PCDH9: variants seen among roughly 807,000 people sequenced by gnomAD.
The protein encoded by PCDH9 is protocadherin-9.
A neutral mutation model predicts 70.6 loss-of-function variants in PCDH9; 24 were observed. That is an observed-to-expected ratio of 0.34 (90% CI 0.25 to 0.48). The LOEUF is 0.48. PCDH9 is among the 20% of genes least tolerant of loss of function. The pLI is 0.99. For missense variants in PCDH9, 1,281 were observed against 1,503.6 expected, an observed-to-expected ratio of 0.85 and a Z score of 2.45; for synonymous variants, 562 against 558.5, an observed-to-expected ratio of 1.01 and a Z score of -0.09.
At chr13:66,878,809 T>TA (rs1450557025) in intron 3 of PCDH9, among the ~76,000 whole-genome samples, 1 of 151,970 alleles carries the variant, frequency 6.6e-6, no homozygotes, top group Non-Finnish European at 1.5e-5. Flanking sequence ...GTGGGCTTAA[T>TA]AAAAAAGCAG....
chr13:66,455,119 TA>T (rs1428273927), intron 4 of PCDH9, among the ~76,000 whole-genome samples: 1 of 152,096 alleles, frequency 6.6e-6, no homozygotes, highest in Admixed American at 6.6e-5. Flanking sequence ...AACCATCACC[TA>T]GCCAATTCAA....
chr13:67,168,475 C>A (rs564349456), intron 2 of PCDH9, among the ~76,000 whole-genome samples: 1 of 152,120 alleles, frequency 6.6e-6, no homozygotes, highest in Non-Finnish European at 1.5e-5. Flanking sequence ...CACTTGTCAT[C>A]CCAACATTCT....
At chr13:66,697,507 A>G (rs2078579963) in intron 3 of PCDH9, among the ~76,000 whole-genome samples, 1 of 152,244 alleles carries the variant, frequency 6.6e-6, no homozygotes, top group Non-Finnish European at 1.5e-5. Context: ...TAATTGCACC[A>G]AGACCATTTT....
chr13:66,419,632 T>C (rs1242691245), intron 4 of PCDH9, among the ~76,000 whole-genome samples: 1 of 152,104 alleles, frequency 6.6e-6, no homozygotes, highest in Admixed American at 6.5e-5. Context: ...CAAGATGCTA[T>C]GCTTTTCCCA....
intron 3 of PCDH9, among the ~76,000 whole-genome samples, chr13:66,817,080 T>G (rs1002013855): frequency 6.6e-6 from 1 of 151,974 alleles, no homozygotes; most frequent in African/African-American, 2.4e-5. Flanking sequence ...TTGCATAGCA[T>G]GTACATTGTA....
At chr13:66,863,308 T>C (rs1375071872) in intron 3 of PCDH9, among the ~76,000 whole-genome samples, 1 of 152,170 alleles carries the variant, frequency 6.6e-6, no homozygotes, top group Non-Finnish European at 1.5e-5. Flanking sequence ...CAGAATTTGA[T>C]TGTGAGGATT....
At chr13:67,138,114 A>G (rs1207862365) in intron 2 of PCDH9, among the ~76,000 whole-genome samples, 1 of 152,208 alleles carries the variant, frequency 6.6e-6, no homozygotes, top group Non-Finnish European at 1.5e-5. Context: ...ACTTCTATAT[A>G]TTATGAAGTG....
intron 3 of PCDH9, among the ~76,000 whole-genome samples, chr13:66,646,577 T>C (rs2077773860): frequency 1.3e-5 from 2 of 152,170 alleles, no homozygotes; most frequent in South Asian, 4.1e-4. Context: ...TTGACTTCAT[T>C]TTTCTTAACA....
At chr13:66,617,605 A>G (rs2077372292) in intron 4 of PCDH9, among the ~76,000 whole-genome samples, 1 of 152,182 alleles carries the variant, frequency 6.6e-6, no homozygotes, top group Non-Finnish European at 1.5e-5. Context: ...CATGCCGGCA[A>G]AACAGTAAAG....
chr13:66,428,894 G>T (rs900922328), intron 4 of PCDH9, among the ~76,000 whole-genome samples: 1 of 151,616 alleles, frequency 6.6e-6, no homozygotes, highest in Non-Finnish European at 1.5e-5. Context: ...AGTTAAATTG[G>T]CTTAAAAATA....
chr13:66,663,097 T>G (rs1039013174), intron 3 of PCDH9, among the ~76,000 whole-genome samples: 2 of 152,106 alleles, frequency 1.3e-5, no homozygotes, highest in African/African-American at 4.8e-5. Flanking sequence ...TTAAATGATG[T>G]GAAGGGAGAT....
intron 2 of PCDH9, among the ~76,000 whole-genome samples, chr13:67,037,216 C>G (rs1480816693): frequency 6.6e-6 from 1 of 152,138 alleles, no homozygotes; most frequent in East Asian, 1.9e-4. Flanking sequence ...TTGTTTAACT[C>G]CTTTTCAATT....
intron 2 of PCDH9, among the ~76,000 whole-genome samples, chr13:67,106,842 G>A (rs2086555309): frequency 6.6e-6 from 1 of 152,164 alleles, no homozygotes; most frequent in Non-Finnish European, 1.5e-5. Context: ...CAAAGTTGAG[G>A]CTGAGCCCAG....
intron 3 of PCDH9, among the ~76,000 whole-genome samples, chr13:66,781,935 G>T (rs559751359): frequency 6.6e-6 from 1 of 152,078 alleles, no homozygotes; most frequent in East Asian, 1.9e-4. Context: ...AACACCTGTG[G>T]TTCTTTATTA....
intron 3 of PCDH9, among the ~76,000 whole-genome samples, chr13:66,777,564 A>G (rs2079918173): frequency 6.6e-6 from 1 of 152,162 alleles, no homozygotes; most frequent in African/African-American, 2.4e-5. Context: ...AGAAATGCAA[A>G]TCAAAACCAC....
At chr13:66,378,065 G>A (rs892067702) in intron 4 of PCDH9, among the ~76,000 whole-genome samples, 3 of 152,102 alleles carry the variant, frequency 2.0e-5, no homozygotes, top group South Asian at 2.1e-4. Context: ...TGGAGAGAAA[G>A]GAAAATTTAT....
At chr13:66,459,012 G>A (rs964170988) in intron 4 of PCDH9, among the ~76,000 whole-genome samples, 11 of 151,940 alleles carry the variant, frequency 7.2e-5, no homozygotes, top group Non-Finnish European at 1.0e-4. Context: ...TTTTTGGCAG[G>A]GGAGGGGGAG....
At chr13:66,461,190 T>C (rs906736766) in intron 4 of PCDH9, among the ~76,000 whole-genome samples, 1 of 151,868 alleles carries the variant, frequency 6.6e-6, no homozygotes, top group Admixed American at 6.6e-5. Flanking sequence ...TATGCCTGAC[T>C]CATATACTTC....
At chr13:66,883,972 G>C (rs149101304) in intron 3 of PCDH9, among the ~76,000 whole-genome samples, 1 of 142,162 alleles carries the variant, frequency 7.0e-6, no homozygotes, top group Non-Finnish European at 1.5e-5. Context: ...GCACGATCTT[G>C]GCTCACTGAA....
Sources: gnomAD v4.1 joint callset for allele counts (sites outside exome capture counted in the v4.1 genomes callset) on GRCh38, gnomAD v4.1.1 for gene constraint, MANE v1.5 for transcripts, NCBI Gene and HGNC (gene_info 2026-07-23, HGNC 2026-07-21) for gene names.